NCOR2: variants seen among roughly 807,000 people sequenced by gnomAD.
NCOR2 encodes nuclear receptor corepressor 2, also known as CTG repeat protein 26.
In NCOR2, 81 loss-of-function variants were observed where a neutral mutation model predicts 262.9. The observed-to-expected ratio is 0.31, with a 90% confidence interval of 0.26 to 0.37. NCOR2 has a LOEUF of 0.37. NCOR2 is among the 10% of genes least tolerant of loss of function. The pLI is 1.00. For synonymous variants in NCOR2, 1,659 were observed against 1,559.3 expected, an observed-to-expected ratio of 1.06 and a Z score of -1.51; for missense variants, 3,385 against 3,621.4, an observed-to-expected ratio of 0.93 and a Z score of 1.68.
intron 22 of NCOR2, among the ~76,000 whole-genome samples, chr12:124,360,115 T>A (rs1011682950): frequency 6.6e-6 from 1 of 152,200 alleles, no homozygotes; most frequent in Non-Finnish European, 1.5e-5. Context: ...GCTGGCACCG[T>A]GCAGTTCCAG....
intron 7 of NCOR2, 144 bp from the exon 10 acceptor site, chr12:124,438,140 CAG>C (rs2044474495): frequency 5.5e-6 from 4 of 726,866 alleles, no homozygotes; most frequent in Non-Finnish European, 9.2e-6. Context: ...GCTGTATCCC[CAG>C]AGAGACCTGT....
At chr12:124,513,038 G>A (rs1177684701) in intron 1 of NCOR2, among the ~76,000 whole-genome samples, 1 of 152,164 alleles carries the variant, frequency 6.6e-6, no homozygotes, top group African/African-American at 2.4e-5. Flanking sequence ...AGGACTCAGC[G>A]AGACCCTGGA....
intron 7 of NCOR2, among the ~76,000 whole-genome samples, chr12:124,444,100 C>A (rs937372804): frequency 2.0e-5 from 3 of 152,140 alleles, no homozygotes; most frequent in Non-Finnish European, 4.4e-5. Flanking sequence ...GTTCAACATT[C>A]CTCTGGCAAA....
intron 1 of NCOR2, among the ~76,000 whole-genome samples, chr12:124,529,196 A>AAAAAAAAAACAAAAC (rs1566029114): frequency 8.2e-5 from 12 of 147,172 alleles, no homozygotes; most frequent in African/African-American, 2.9e-4. Flanking sequence ...AAAAAAAAAA[A>AAAAAAAAAACAAAAC]AAAAAACACT....
At chr12:124,433,243 G>C (rs979721009) in intron 8 of NCOR2, among the ~76,000 whole-genome samples, 1 of 152,230 alleles carries the variant, frequency 6.6e-6, no homozygotes, top group Non-Finnish European at 1.5e-5. Context: ...ACGGCCACAC[G>C]TGCTCGGGGC....
At chr12:124,441,360 G>C (rs1039437006) in intron 7 of NCOR2, among the ~76,000 whole-genome samples, 3 of 152,120 alleles carry the variant, frequency 2.0e-5, no homozygotes, top group Admixed American at 6.5e-5. Context: ...AATAACCCTG[G>C]GACTAGATTA....
At chr12:124,336,958 G>T in exon 38 of NCOR2, 1 of 1,534,202 alleles carries the variant, frequency 6.5e-7, no homozygotes, top group Non-Finnish European at 8.7e-7. Flanking sequence ...TGCTGGGGGA[G>T]GAGGCGGGCT....
chr12:124,337,667 A>G (rs1188944209), intron 37 of NCOR2, among the ~76,000 whole-genome samples: 1 of 152,206 alleles, frequency 6.6e-6, no homozygotes, highest in Non-Finnish European at 1.5e-5. Flanking sequence ...GAAGAGCTAA[A>G]AAAGCCACGT....
intron 5 of NCOR2, among the ~76,000 whole-genome samples, chr12:124,460,319 C>A (rs78540231): frequency 0.019 from 2,912 of 152,318 alleles, 89 homozygotes; most frequent in African/African-American, 0.067. Flanking sequence ...GTCTCTGGGG[C>A]AAAGCATTCT....
intron 1 of NCOR2, among the ~76,000 whole-genome samples, chr12:124,557,548 C>T (rs1247994659): frequency 2.6e-5 from 4 of 152,198 alleles, no homozygotes; most frequent in African/African-American, 4.8e-5. Flanking sequence ...CTTAATTAAA[C>T]GCATCCACAA....
At chr12:124,327,592 T>C in exon 45 of NCOR2, 1 of 1,612,330 alleles carries the variant, frequency 6.2e-7, no homozygotes, top group Non-Finnish European at 8.5e-7. Context: ...ATGTTGGTGC[T>C]GGCATGTTCC....
chr12:124,497,680 T>C (rs1000499261), upstream of NCOR2, among the ~76,000 whole-genome samples: 1 of 152,208 alleles, frequency 6.6e-6, no homozygotes, highest in Non-Finnish European at 1.5e-5. The surrounding 1 kb of genome is among the most constrained non-coding windows in gnomAD (Gnocchi z 4.2). Flanking sequence ...TAAGTCCTCC[T>C]GCAAGGACCC....
chr12:124,343,041 G>C, exon 33 of NCOR2: 3 of 1,611,926 alleles, frequency 1.9e-6, no homozygotes, highest in Non-Finnish European at 2.5e-6. Context: ...ATGGAGGTGG[G>C]GTCGAAGGCC....
chr12:124,526,004 C>T (rs924633448), intron 1 of NCOR2, among the ~76,000 whole-genome samples: 6 of 152,210 alleles, frequency 3.9e-5, no homozygotes, highest in African/African-American at 1.4e-4. Context: ...ACACACAGCA[C>T]TGAGGCAAGA....
rs1043005735 is a variant in NCOR2, at chr12:124,443,901, G to A, written c.816-5905C>T. On this transcript the variant is annotated intron_variant, in intron 7 of 46. Transcript: ENST00000405201. This position sits in a 1 kb window ranked among gnomAD's most constrained non-coding sequence, Gnocchi z 4.4. ...CTTCTCTTGAAAACATCAGGCCATC[G>A]GGCCACACCCCTTCATGGCCACAGG... 2.0e-5 allele frequency among the ~76,000 whole-genome samples: 3 copies of A among 152,008 alleles called. No homozygotes were observed. In the South Asian group the frequency reaches 6.2e-4, roughly 32 times the overall value.
chr12:124,418,692 C>G (rs1021612871), intron 13 of NCOR2, among the ~76,000 whole-genome samples: 2 of 152,122 alleles, frequency 1.3e-5, no homozygotes, highest in Non-Finnish European at 2.9e-5. Flanking sequence ...CAGGTCCACA[C>G]AAAGGTTTGT....
chr12:124,436,129 G>A (rs770685325), intron 8 of NCOR2, among the ~76,000 whole-genome samples: 11 of 152,224 alleles, frequency 7.2e-5, no homozygotes, highest in African/African-American at 2.2e-4. Flanking sequence ...TAGGTGCTCC[G>A]TGACTACTGG....
At chr12:124,334,325 C>T in intron 41 of NCOR2, 99 bp downstream of exon 43, 1 of 840,588 alleles carries the variant, frequency 1.2e-6, no homozygotes, top group Non-Finnish European at 1.8e-6. Flanking sequence ...ACCAGGCGGG[C>T]CTCATATGCA....
upstream of NCOR2, chr12:124,495,330 T>C (rs2048323827): frequency 2.0e-6 from 3 of 1,492,434 alleles, no homozygotes; most frequent in Non-Finnish European, 2.7e-6. This position sits in a 1 kb window ranked among gnomAD's most constrained non-coding sequence, Gnocchi z 4.4. Flanking sequence ...TAAAAGCCAG[T>C]CCTCGTCATC....
Sources: gnomAD v4.1 joint callset for allele counts (sites outside exome capture counted in the v4.1 genomes callset) on GRCh38, gnomAD v4.1.1 for gene constraint, Gnocchi (gnomAD v3.1) non-coding constraint, MANE v1.5 for transcripts, NCBI Gene and HGNC (gene_info 2026-07-23, HGNC 2026-07-21) for gene names.